The following HNRNPK variants were observed in gnomAD, a reference collection of about 807,000 sequenced individuals.
HNRNPK encodes dC-stretch binding protein.
HNRNPK carries 7 observed loss-of-function variants against 67.0 expected under a neutral mutation model. The observed-to-expected ratio is 0.10, with a 90% CI of 0.06 to 0.20. The LOEUF is 0.20. Among genes scored for constraint, HNRNPK ranks in the 10% least tolerant of loss-of-function variants. The pLI, the probability that HNRNPK is intolerant of heterozygous loss-of-function variation, is 1.00. For missense variants in HNRNPK, 264 were observed against 606.5 expected, an observed-to-expected ratio of 0.44 and a Z score of 5.93; for synonymous variants, 213 against 193.7, an observed-to-expected ratio of 1.10 and a Z score of -0.83.
intron 13 of HNRNPK, 120 bp downstream of exon 13, chr9:83,971,153 C>T: frequency 1.2e-6 from 1 of 850,874 alleles, no homozygotes; most frequent in Non-Finnish European, 2.0e-6. Context: ...TTCAGGAAAC[C>T]AAAGTCCTCC....
At chr9:83,971,575 A>G in intron 12 of HNRNPK, 97 bp downstream of exon 12, 2 of 1,049,280 alleles carry the variant, frequency 1.9e-6, no homozygotes, top group East Asian at 2.4e-5. Flanking sequence ...TACTTGTAAG[A>G]AAAACTTTTT....
chr9:83,970,221 G>A lies in HNRNPK; in HGVS notation c.1302C>T (p.Ile434=), dbSNP rs1956763959. Residue 434 remains isoleucine (I), a synonymous_variant, in exon 16 of 17, where the codon ATC becomes ATT. Transcript: ENST00000376263. ...GGTCCTGTGTTCCTGTAATGGTAAT[G>A]ATCCGATCTTCGGATCCTTCTAAAG... ...DEPLEGSEDR[I]ITITGTQDQI... is the part of the protein sequence containing the mutation. 2 of 1,613,260 alleles carry A rather than the reference G, an allele frequency of 1.2e-6. No individual in the cohort carries two copies. The highest frequency in any genetic ancestry group is 1.7e-5 in the Admixed American group (1 of 59,982).
intron 7 of HNRNPK, 140 bp downstream of exon 7, chr9:83,974,377 A>G (rs1956983706): frequency 4.1e-6 from 2 of 486,926 alleles, no homozygotes; most frequent in African/African-American, 2.0e-5. Context: ...CGCATGTACA[A>G]AATTATGTAG....
chr9:83,979,916 G>A (rs1957302459), intron 1 of HNRNPK, among the ~76,000 whole-genome samples: 1 of 152,194 alleles, frequency 6.6e-6, no homozygotes, highest in African/African-American at 2.4e-5. Context: ...GTGCCACATA[G>A]CTCCAGCTCA....
chr9:83,977,104 GC>G, intron 4 of HNRNPK, 53 bp from the exon 5 acceptor site: 1 of 1,217,856 alleles, frequency 8.2e-7, no homozygotes, highest in Non-Finnish European at 1.2e-6. Flanking sequence ...AAAATTAATA[GC>G]TACCTACGCT....
rs368545797 is a variant in HNRNPK at position 83,974,014 on chromosome 9, C to T, written c.331-41G>A. The T allele has an allele frequency of 1.2e-4, 153 of 1,328,404 alleles. No individual in the cohort carries two copies. In the African/African-American group the frequency reaches 1.8e-3, roughly 16 times the overall value. The allele number at this position is 1,328,404 out of a possible 1,614,324, so 82.3% of individuals were successfully genotyped here. A position where few individuals can be genotyped will look rare whatever the true frequency, so the allele number is the denominator to read the frequency against. On this transcript the variant is annotated intron_variant, in intron 7 of 16. Transcript: ENST00000376263. ...TAAGAGTAATAGGTTAAGTGTCTAGCGTGATCAGGCTATTGTCGCATATAT... is the reference window on the plus strand; with the variant it reads ...TAAGAGTAATAGGTTAAGTGTCTAGTGTGATCAGGCTATTGTCGCATATAT...
chr9:83,979,837 C>CA (rs982012762), intron 1 of HNRNPK, among the ~76,000 whole-genome samples: 1 of 152,198 alleles, frequency 6.6e-6, no homozygotes, highest in Admixed American at 6.5e-5. Flanking sequence ...GGGGCTCACA[C>CA]AAAGAGAGCG....
At chr9:83,973,171 C>T (rs771203047) in intron 9 of HNRNPK, 115 bp downstream of exon 9, 11 of 784,710 alleles carry the variant, frequency 1.4e-5, no homozygotes, top group South Asian at 3.3e-5. Flanking sequence ...TTGTCATTTG[C>T]GATAAGCAAT....
intron 10 of HNRNPK, chr9:83,972,401 T>C (rs1413252055): frequency 1.8e-6 from 1 of 553,250 alleles, no homozygotes; most frequent in Non-Finnish European, 3.2e-6. Flanking sequence ...CAAAAGTGAG[T>C]TCTATTGCCT....
intron 13 of HNRNPK, 174 bp downstream of exon 13, chr9:83,971,099 A>C: frequency 1.4e-6 from 1 of 723,748 alleles, no homozygotes; most frequent in South Asian, 1.6e-5. Flanking sequence ...GCACCACTGC[A>C]CCCAGCTTCA....
At position 83,972,953 on chromosome 9, in the gene HNRNPK, T is replaced by C; in HGVS notation, c.536A>G (p.Lys179Arg). The change falls in exon 10 of 17, where the codon AAG (lysine) becomes AGG (arginine). Residue 179 changes from lysine (K) to arginine (R), a missense_variant. Lys to Arg is a conservative substitution (Grantham distance 26). Transcript: ENST00000376263. Reference protein sequence around the residue: ...ELRENTQTTIKLFQECCPHST... With the variant: ...ELRENTQTTIRLFQECCPHST... ...ATGAGGACAGCATTCCTGGAAAAGC[T>C]TGATGGTGGTTTGAGTGTTCTGTAG... 1 of 1,608,740 alleles carries C rather than the reference T, an allele frequency of 6.2e-7. No homozygotes were observed. Among genetic ancestry groups the C allele is most frequent in the Non-Finnish European group, 8.5e-7 (1 of 1,176,586 alleles).
In HNRNPK at chr9:83,971,338, C is replaced by T. The variant is rs1956828700; in HGVS notation, c.1027G>A (p.Glu343Lys). The T allele has an allele frequency of 6.2e-7, 1 of 1,611,178 alleles. No individual in the cohort carries two copies. The highest frequency in any genetic ancestry group is 8.5e-7 in the Non-Finnish European group (1 of 1,177,420). Residue 343 changes from glutamate to lysine, a missense_variant, in exon 13 of 17, where the codon GAA becomes AAA. By Grantham distance (56) the Glu-to-Lys change is moderately conservative. Around this residue, in one of 6 missense-constraint regions of HNRNPK, gnomAD observed 142 missense variants for 256.5 expected, o/e 0.55. Transcript: ENST00000376263. ...YDGMVGFSADETWDSAIDTWS... is the reference protein window; with the variant it reads ...YDGMVGFSADKTWDSAIDTWS... The stretch of plus-strand genomic sequence containing the variant: ...GTATCTATTGCAGAGTCCCAAGTTT[C>T]ATCAGCACTGAAACCAACCTGTTAG...
chr9:83,978,267 C>G lies in HNRNPK; in HGVS notation c.-15G>C. The stretch of plus-strand genomic sequence containing the variant: ...TCAGTTTCCATATTCTTTTATTAAA[C>G]GGGCACACCAATCTGTGGAAAAATA... On this transcript the variant is annotated 5_prime_UTR_variant, in exon 3 of 17. Transcript: ENST00000376263. The G allele has an allele frequency of 2.5e-6, 4 of 1,597,670 alleles. No homozygotes were observed. Among genetic ancestry groups the G allele is most frequent in the Non-Finnish European group, 3.4e-6 (4 of 1,172,808 alleles).
chr9:83,979,245 C>A (rs1336006243), intron 1 of HNRNPK, among the ~76,000 whole-genome samples: 4 of 152,204 alleles, frequency 2.6e-5, no homozygotes, highest in East Asian at 1.9e-4. Context: ...ACAAGCGAGG[C>A]ACATTTATGC....
Position 83,969,108 on chromosome 9 carries a change from A to T in HNRNPK, c.*299T>A, listed in dbSNP as rs149773802. 5 of 514,856 alleles carry T rather than the reference A, an allele frequency of 9.7e-6. No individual in the cohort carries two copies. The highest frequency in any genetic ancestry group is 1.9e-5 in the African/African-American group (1 of 51,800). The allele number at this position is 514,856 out of a possible 1,614,324, so 31.9% of individuals were successfully genotyped here. ...ATGGGGGGAATTTTTTAAACCACCA[A>T]CAATAACGAAAAATAAAATCCACTC... On this transcript the variant is annotated 3_prime_UTR_variant, in exon 17 of 17. Transcript: ENST00000376263.
chr9:83,975,374 G>A (rs1245197163), intron 6 of HNRNPK, 88 bp downstream of exon 6: 2 of 1,132,914 alleles, frequency 1.8e-6, no homozygotes, highest in Non-Finnish European at 2.7e-6. Context: ...GTCTAAAGGG[G>A]ATACTATTTA....
At chr9:83,974,071 A>G (rs1426684758) in intron 7 of HNRNPK, 98 bp from the exon 8 acceptor site, 30 of 684,422 alleles carry the variant, frequency 4.4e-5, no homozygotes, top group Admixed American at 2.7e-4. Flanking sequence ...TTTTAAATCT[A>G]TATTATTAAA....
Position 83,977,755 on chromosome 9 carries a change from T to C in HNRNPK, c.90A>G (p.Glu30=), listed in dbSNP as rs1416152902. ...TGTTTCTAGATCTTTTAAATGCTTG[T>C]TCCTCTTCCATATCTTCTGCAGGGC... The part of the protein sequence containing the change: ...GKRPAEDMEE[E]QAFKRSRNTD... Residue 30 remains glutamate (E), a synonymous_variant, in exon 4 of 17, where the codon GAA becomes GAG. Transcript: ENST00000376263. 6.2e-7 allele frequency: 1 copy of C among 1,608,972 alleles called. No individual in the cohort carries two copies.
Position 83,972,089 on chromosome 9 carries a change from C to T in HNRNPK, c.746G>A (p.Arg249His), listed in dbSNP as rs1324016424. 2.5e-6 allele frequency: 4 copies of T among 1,613,892 alleles called. No homozygotes were observed. Among genetic ancestry groups the T allele is most frequent in the East Asian group, 2.2e-5 (1 of 44,884 alleles). ...TCCCCGCATGGGAAATCCCACTGGG[C>T]GTCCGCGACGGTCATCAAACATCAT... ...FTMMFDDRRG[R>H]PVGFPMRGRG... Residue 249 changes from arginine to histidine, a missense_variant, in exon 11 of 17, where the codon CGC becomes CAC. By Grantham distance (29) the Arg-to-His change is conservative (BLOSUM62 0). Coordinates refer to ENST00000376263, the MANE Select transcript of HNRNPK (RefSeq NM_031263.4).
Sources: allele counts gnomAD v4.1 joint callset (sites outside exome capture counted in the v4.1 genomes callset), GRCh38; gene constraint gnomAD v4.1.1; regional missense constraint gnomAD v4.1.1; transcripts MANE v1.5; gene names NCBI Gene and HGNC (gene_info 2026-07-23, HGNC 2026-07-21).